ZDHHC3: variants seen among roughly 807,000 people sequenced by gnomAD.
The protein encoded by ZDHHC3 is zDHHC palmitoyltransferase 3.
A neutral mutation model predicts 30.6 loss-of-function variants in ZDHHC3; 9 were observed. That is an observed-to-expected ratio of 0.29 (90% CI 0.18 to 0.51). The LOEUF is 0.51. ZDHHC3 is among the 20% of genes least tolerant of loss of function. The pLI, the probability that ZDHHC3 is intolerant of heterozygous loss-of-function variation, is 0.97. For missense variants in ZDHHC3, 246 were observed against 384.2 expected (o/e 0.64, Z 3.01); for synonymous variants, 136 against 140.2 (o/e 0.97, Z 0.21).
At chr3:44,962,361 T>C (rs749096536) in intron 1 of ZDHHC3, among the ~76,000 whole-genome samples, 74 of 152,186 alleles carry the variant, frequency 4.9e-4, no homozygotes, top group Non-Finnish European at 8.2e-4. Context: ...TTATGTTTCA[T>C]GTGCATGGTT....
At chr3:44,929,208 G>A in intron 6 of ZDHHC3, 98 bp downstream of exon 6, 4 of 1,480,326 alleles carry the variant, frequency 2.7e-6, no homozygotes, top group Non-Finnish European at 2.7e-6. Flanking sequence ...CCTGACCACT[G>A]GGCTCCAGTC....
At chr3:44,964,984 T>G (rs889822403) in intron 1 of ZDHHC3, among the ~76,000 whole-genome samples, 1 of 151,444 alleles carries the variant, frequency 6.6e-6, no homozygotes, top group Non-Finnish European at 1.5e-5. Context: ...GGGGCGGGGG[T>G]AAGGAAGTCA....
rs1179974737 is a variant in ZDHHC3, at chr3:44,959,564, CCT to C, written c.-24-106_-24-105del. ...GAGTTGTGATTACTTATCTGCAACCCCTGTGTGCAAAGCCACCTAATCACCTT... is the reference window on the plus strand; with the variant it reads ...GAGTTGTGATTACTTATCTGCAACCCGTGTGCAAAGCCACCTAATCACCTT... On this transcript the variant is annotated intron_variant, in intron 1 of 6. Coordinates refer to ENST00000424952, the MANE Select transcript of ZDHHC3 (RefSeq NM_001135179.2). The surrounding 1 kb of genome is among the most constrained non-coding windows in gnomAD (Gnocchi z 4.3). The C allele has an allele frequency of 3.2e-6, 3 of 938,434 alleles. No individual in the cohort carries two copies. Among genetic ancestry groups the C allele is most frequent in the Non-Finnish European group, 4.8e-6 (3 of 629,246 alleles). The allele number at this position is 938,434 out of a possible 1,614,324, so 58.1% of individuals were successfully genotyped here.
chr3:44,933,741 C>T, intron 4 of ZDHHC3, 147 bp downstream of exon 4: 1 of 777,268 alleles, frequency 1.3e-6, no homozygotes, highest in Non-Finnish European at 2.2e-6. Context: ...ACTTGTTGAG[C>T]CAGAGAGATC....
Position 44,922,741 on chromosome 3 carries a change from T to C in ZDHHC3, c.*3948A>G, listed in dbSNP as rs2125788825. The C allele has an allele frequency of 1.0e-6, 1 of 984,914 alleles. No individual in the cohort carries two copies. The highest frequency in any genetic ancestry group is 6.1e-5 in the Admixed American group (1 of 16,286). The allele number at this position is 984,914 out of a possible 1,614,324, so 61.0% of individuals were successfully genotyped here. A position where few individuals can be genotyped will look rare whatever the true frequency, so the allele number is the denominator to read the frequency against. ...ACGGGCTGCTGGGCCCCGCTCGGTT[T>C]CTGGTTCGGTAGCCTGGGGTGGGGA... On this transcript the variant is annotated 3_prime_UTR_variant, in exon 7 of 7. Coordinates refer to ENST00000424952, the MANE Select transcript of ZDHHC3 (RefSeq NM_001135179.2).
At chr3:44,958,548 C>A (rs542204822) in intron 2 of ZDHHC3, 2 of 1,516,384 alleles carry the variant, frequency 1.3e-6, no homozygotes, top group South Asian at 2.4e-5. Context: ...TTAGCTAAGT[C>A]ATTGAGCAGA....
Position 44,926,867 on chromosome 3 carries a change from T to C in ZDHHC3, c.742-20A>G. The C allele has an allele frequency of 1.9e-6, 3 of 1,592,760 alleles. No homozygotes were observed. Among genetic ancestry groups the C allele is most frequent in the Non-Finnish European group, 2.6e-6 (3 of 1,169,550 alleles). Reference sequence around the variant, plus strand: ...TATTCCCTGAAAACAAGAACAATCATACTTTCAGTCAAGCACTGCATTGCT... The same window carrying C: ...TATTCCCTGAAAACAAGAACAATCACACTTTCAGTCAAGCACTGCATTGCT... On this transcript the variant is annotated intron_variant, in intron 6 of 6. Coordinates refer to ENST00000424952, the MANE Select transcript of ZDHHC3 (RefSeq NM_001135179.2).
chr3:44,933,361 C>T (rs527537860), intron 4 of ZDHHC3, 162 bp from the exon 5 acceptor site: 16 of 656,442 alleles, frequency 2.4e-5, no homozygotes, highest in South Asian at 1.3e-4. Context: ...CCTACAGATC[C>T]GTCTACCCAC....
chr3:44,934,063 C>T (rs1701730982), intron 3 of ZDHHC3, 79 bp from the exon 4 acceptor site: 1 of 1,344,428 alleles, frequency 7.4e-7, no homozygotes, highest in East Asian at 2.3e-5. Context: ...GAACCCATGG[C>T]TCCTGCTCCA....
In ZDHHC3 at chr3:44,918,525, C is replaced by T. The variant is rs80343359; in HGVS notation, c.*8164G>A. 10,403 of 985,424 alleles carry T rather than the reference C, an allele frequency of 0.011. 100 individuals are homozygous for T. Among genetic ancestry groups the T allele is most frequent in the African/African-American group, 0.042 (2,426 of 57,348 alleles). The allele number at this position is 985,424 out of a possible 1,614,324, so 61.0% of individuals were successfully genotyped here. On this transcript the variant is annotated 3_prime_UTR_variant, in exon 7 of 7. Transcript: ENST00000424952. ...GACCACACATCCTCTGAGGCCACTA[C>T]AAACTGGTGATCCCCTCCTAAATAT...
At chr3:44,974,349 C>T (rs1705693988) in intron 1 of ZDHHC3, among the ~76,000 whole-genome samples, 1 of 152,192 alleles carries the variant, frequency 6.6e-6, no homozygotes, top group Admixed American at 6.5e-5. Context: ...TGAACTCAGG[C>T]TTTTCTTCCT....
In ZDHHC3 at chr3:44,959,740, C is replaced by A. The variant is rs983839948; in HGVS notation, c.-24-280G>T. Among the ~76,000 whole-genome samples the A allele has an allele frequency of 6.6e-6, 1 of 152,156 alleles. No homozygotes were observed. Among genetic ancestry groups the A allele is most frequent in the Non-Finnish European group, 1.5e-5 (1 of 68,016 alleles). The stretch of plus-strand genomic sequence containing the variant: ...TCAGCCAGAGCAGAAGCAGGTGACA[C>A]AGCCTGCCAATTTGTTTTTTTCTTT... On this transcript the variant is annotated intron_variant, in intron 1 of 6. Coordinates refer to ENST00000424952, the MANE Select transcript of ZDHHC3 (RefSeq NM_001135179.2). This position sits in a 1 kb window ranked among gnomAD's most constrained non-coding sequence, Gnocchi z 4.3.
intron 2 of ZDHHC3, among the ~76,000 whole-genome samples, chr3:44,947,361 A>T (rs1254862479): frequency 6.6e-6 from 1 of 152,222 alleles, no homozygotes; most frequent in Non-Finnish European, 1.5e-5. Flanking sequence ...ACAAAGGGTT[A>T]GAGCTGGCTT....
rs3087823 is a variant in ZDHHC3 at position 44,932,941 on chromosome 3, A to C, written c.610+177T>G. On this transcript the variant is annotated intron_variant, in intron 5 of 6. Coordinates refer to ENST00000424952, the MANE Select transcript of ZDHHC3 (RefSeq NM_001135179.2). ...TGAAGTTAAGGGGCTGCATTTTTTC[A>C]TGAAGAGAGATTCCAGTCTCTGCCA... 0.025 allele frequency: 40,516 copies of C among 1,614,044 alleles called. 604 individuals are homozygous for C. Among genetic ancestry groups the C allele is most frequent in the Non-Finnish European group, 0.031 (36,062 of 1,179,954 alleles).
chr3:44,924,862 C>A lies in ZDHHC3; in HGVS notation c.*1827G>T. On this transcript the variant is annotated 3_prime_UTR_variant, in exon 7 of 7. Coordinates refer to ENST00000424952, the MANE Select transcript of ZDHHC3 (RefSeq NM_001135179.2). ...TTTCTTTTTAATCTTAGCATCTCAG[C>A]CTCGCCCGTATCGCATGAATAGCAC... The A allele has an allele frequency of 1.0e-6, 1 of 985,504 alleles. No individual in the cohort carries two copies. The highest frequency in any genetic ancestry group is 1.2e-6 in the Non-Finnish European group (1 of 829,932). 61.0% of individuals were successfully genotyped at this position (985,504 alleles called of 1,614,324 possible).
rs1700311929 is a variant in ZDHHC3 at position 44,918,066 on chromosome 3, A to G, written c.*8623T>C. 7.7e-7 allele frequency: 1 copy of G among 1,305,248 alleles called. No homozygotes were observed. Among genetic ancestry groups the G allele is most frequent in the South Asian group, 1.2e-5 (1 of 81,022 alleles). The allele number at this position is 1,305,248 out of a possible 1,614,324, so 80.9% of individuals were successfully genotyped here. A position where few individuals can be genotyped will look rare whatever the true frequency, so the allele number is the denominator to read the frequency against. On this transcript the variant is annotated 3_prime_UTR_variant, in exon 7 of 7. Transcript: ENST00000424952. ...TGAACCAGTTCAGGGAGAAGTCCCCACCAAAGGTCTCCTTTACTGACTGCC... is the reference window on the plus strand; with the variant it reads ...TGAACCAGTTCAGGGAGAAGTCCCCGCCAAAGGTCTCCTTTACTGACTGCC...
chr3:44,941,782 C>T (rs1702463996), intron 3 of ZDHHC3, among the ~76,000 whole-genome samples: 1 of 151,314 alleles, frequency 6.6e-6, no homozygotes, highest in Non-Finnish European at 1.5e-5. Flanking sequence ...AAAGTCTATG[C>T]ATACATGTCC....
chr3:44,972,888 A>G (rs1277475238), intron 1 of ZDHHC3, among the ~76,000 whole-genome samples: 1 of 152,208 alleles, frequency 6.6e-6, no homozygotes, highest in East Asian at 1.9e-4. Flanking sequence ...ATATCTGAGT[A>G]TGGCATACGG....
chr3:44,918,799 C>G lies in ZDHHC3; in HGVS notation c.*7890G>C. On this transcript the variant is annotated 3_prime_UTR_variant, in exon 7 of 7. Transcript: ENST00000424952. ...TTCCAAGCTGTCAACTCACCTGCCT[C>G]TGGGTGTCGGCTGCAACTCAGCCAC... The G allele has an allele frequency of 3.0e-6, 3 of 987,224 alleles. No homozygotes were observed. The highest frequency in any genetic ancestry group is 3.6e-6 in the Non-Finnish European group (3 of 831,164). The allele number at this position is 987,224 out of a possible 1,614,324, so 61.2% of individuals were successfully genotyped here.
Sources: allele counts gnomAD v4.1 joint callset (sites outside exome capture counted in the v4.1 genomes callset), GRCh38; gene constraint gnomAD v4.1.1; non-coding constraint Gnocchi (gnomAD v3.1); transcripts MANE v1.5; gene names NCBI Gene and HGNC (gene_info 2026-07-23, HGNC 2026-07-21).